The following SV2C variants were observed in gnomAD, a reference collection of about 807,000 sequenced individuals.
SV2C encodes the protein synaptic vesicle glycoprotein 2C, also known as solute carrier family 22 member B3.
A neutral mutation model predicts 79.7 loss-of-function variants in SV2C; 49 were observed. The ratio of observed to expected loss-of-function variants is 0.61; its 90% CI spans 0.49 to 0.78. The LOEUF (loss-of-function observed/expected upper bound fraction) is 0.78. Ranked by LOEUF, SV2C falls within the 30% of genes least tolerant of loss-of-function variation. The probability of loss-of-function intolerance (pLI) is 0.00; values close to 1 mark genes in which losing one functional copy is unlikely to be tolerated. For synonymous variants in SV2C, 334 were observed against 333.2 expected (o/e 1.00, Z -0.03); for missense variants, 833 against 912.9 (o/e 0.91, Z 1.13).
chr5:76,245,506 C>A (rs989006660), intron 4 of SV2C, among the ~76,000 whole-genome samples: 2 of 152,174 alleles, frequency 1.3e-5, no homozygotes, highest in Non-Finnish European at 2.9e-5. Context: ...CTACAAGAGA[C>A]AATCAGATCA....
Position 76,328,740 on chromosome 5 carries a change from C to T in SV2C, c.*3193C>T, listed in dbSNP as rs1391895753. The T allele has an allele frequency of 6.6e-6, 1 of 152,062 alleles. No individual in the cohort carries two copies. Among genetic ancestry groups the T allele is most frequent in the African/African-American group, 2.4e-5 (1 of 41,382 alleles). The allele number at this position is 152,062 out of a possible 1,614,324, so 9.4% of individuals were successfully genotyped here. A position where few individuals can be genotyped will look rare whatever the true frequency, so the allele number is the denominator to read the frequency against. On this transcript the variant is annotated 3_prime_UTR_variant, in exon 13 of 13. Coordinates refer to ENST00000502798, the MANE Select transcript of SV2C (RefSeq NM_014979.4). ...TAGAAGACAGTAATGAAAATAGCTT[C>T]ATCTTATCTGCCTTCTTATGCTAAA...
chr5:75,855,527 A>AT, the SV2C span, among the ~76,000 whole-genome samples: 1 of 151,992 alleles, frequency 6.6e-6, no homozygotes, highest in Non-Finnish European at 1.5e-5. Flanking sequence ...CATTGACAGC[A>AT]TTTTTTCCAA....
chr5:75,875,067 A>C, the SV2C span, among the ~76,000 whole-genome samples: 1 of 152,106 alleles, frequency 6.6e-6, no homozygotes, highest in South Asian at 2.1e-4. Context: ...CAACAGCAAC[A>C]ACAACAACAC....
the SV2C span, among the ~76,000 whole-genome samples, chr5:75,947,255 C>T: frequency 6.6e-6 from 1 of 151,962 alleles, no homozygotes; most frequent in Non-Finnish European, 1.5e-5. Context: ...TCCCCAATTC[C>T]CTGTGGAAGT....
chr5:76,338,659 C>CT (rs60550344), downstream of SV2C, among the ~76,000 whole-genome samples: 215 of 119,528 alleles, frequency 1.8e-3, no homozygotes, highest in Middle Eastern at 0.032. Flanking sequence ...TTTTCTTTTT[C>CT]TTTTTTTTTT....
chr5:76,078,541 A>G (rs148711286), upstream of SV2C: 789 of 291,652 alleles, frequency 2.7e-3, 12 homozygotes, highest in South Asian at 0.023. Context: ...CAAGACGAAC[A>G]TTGGTAGACT....
chr5:76,140,786 T>G (rs1215287823), intron 2 of SV2C, among the ~76,000 whole-genome samples: 1 of 152,180 alleles, frequency 6.6e-6, no homozygotes, highest in African/African-American at 2.4e-5. Flanking sequence ...ACTGCAGACT[T>G]TAGGATCAGC....
At chr5:76,079,648 C>G (rs376797708), upstream of SV2C, 253 of 346,220 alleles carry the variant, frequency 7.3e-4, 5 homozygotes, top group South Asian at 7.9e-3. Flanking sequence ...CCCTGCCACT[C>G]TATGAAGAAC....
intron 4 of SV2C, among the ~76,000 whole-genome samples, chr5:76,236,896 T>C (rs1827398): frequency 0.12 from 17,794 of 152,096 alleles, 3,013 homozygotes; most frequent in African/African-American, 0.38. Flanking sequence ...AATTGCATCC[T>C]GGGGGTAGTT....
In SV2C at chr5:76,141,823, C is replaced by CAA. The variant is rs11313342; in HGVS notation, c.580+9514_580+9515dup. On this transcript the variant is annotated intron_variant, in intron 2 of 12. Transcript: ENST00000502798. ...TGGGTGACAGAGCAAAAGTCCATCTCAAAAAAAAAAAAAAAAAAAAAAGTA... is the reference window on the plus strand; with the variant it reads ...TGGGTGACAGAGCAAAAGTCCATCTCAAAAAAAAAAAAAAAAAAAAAAAAGTA... Among the ~76,000 whole-genome samples, 371 of 72,092 alleles carry CAA rather than the reference C, an allele frequency of 5.1e-3. 3 individuals carry two copies. Among genetic ancestry groups the CAA allele is most frequent in the Middle Eastern group, 0.01 (1 of 98 alleles). The allele number at this position is 72,092 out of a possible 152,430, so 47.3% of individuals were successfully genotyped here.
At chr5:76,133,608 A>AT (rs1335315897) in intron 2 of SV2C, among the ~76,000 whole-genome samples, 2 of 152,194 alleles carry the variant, frequency 1.3e-5, no homozygotes, top group Admixed American at 1.3e-4. Context: ...ATGAAAGTAG[A>AT]TTGTGTAGGT....
In SV2C at chr5:76,326,421, T is replaced by C. The variant is rs2112567840; in HGVS notation, c.*874T>C. The C allele has an allele frequency of 6.6e-6, 1 of 152,360 alleles. No homozygotes were observed. Among genetic ancestry groups the C allele is most frequent in the East Asian group, 1.9e-4 (1 of 5,186 alleles). 9.4% of individuals were successfully genotyped at this position (152,360 alleles called of 1,614,324 possible). On this transcript the variant is annotated 3_prime_UTR_variant, in exon 13 of 13. Transcript: ENST00000502798. Reference sequence around the variant, plus strand: ...CTTAAAAACTGTCTGCCTACCTGATTCTGCCACTTACCCACACTGTCTCTA... The same window carrying C: ...CTTAAAAACTGTCTGCCTACCTGATCCTGCCACTTACCCACACTGTCTCTA...
chr5:75,988,961 A>C, the SV2C span, among the ~76,000 whole-genome samples: 916 of 151,996 alleles, frequency 6.0e-3, 6 homozygotes, highest in African/African-American at 0.02. Flanking sequence ...ACCTTCCCAT[A>C]GTTTCCTGCC....
intron 4 of SV2C, among the ~76,000 whole-genome samples, chr5:76,223,587 C>T (rs369620282): frequency 1.9e-4 from 28 of 149,874 alleles, no homozygotes; most frequent in Middle Eastern, 6.9e-3. Flanking sequence ...TGATTTGATA[C>T]TTGTGTTTCC....
rs1013892841 is a variant in SV2C at position 76,284,872 on chromosome 5, A to T, written c.914-290A>T. On this transcript the variant is annotated intron_variant, in intron 4 of 12. Coordinates refer to ENST00000502798, the MANE Select transcript of SV2C (RefSeq NM_014979.4). The stretch of plus-strand genomic sequence containing the variant: ...CAAAAGATAACTAGCACAGTGGTCT[A>T]TTGGAAAAAGCATCCCAAATTTATG... Among the ~76,000 whole-genome samples, 3 of 152,228 alleles carry T rather than the reference A, an allele frequency of 2.0e-5. No individual in the cohort carries two copies. The East Asian group carries it at 5.8e-4, about 29-fold the overall frequency.
At chr5:76,251,565 A>G (rs1197997848) in intron 4 of SV2C, among the ~76,000 whole-genome samples, 6 of 152,008 alleles carry the variant, frequency 3.9e-5, no homozygotes, top group Admixed American at 3.9e-4. Context: ...AACAAACAAA[A>G]TATTAAACAC....
intron 1 of SV2C, among the ~76,000 whole-genome samples, chr5:76,111,664 C>A (rs1311768688): frequency 1.3e-5 from 2 of 152,160 alleles, no homozygotes; most frequent in African/African-American, 4.8e-5. Flanking sequence ...TAATTTGCCC[C>A]CCCAGGATTA....
chr5:75,884,060 G>A, the SV2C span, among the ~76,000 whole-genome samples: 3 of 152,128 alleles, frequency 2.0e-5, no homozygotes, highest in Non-Finnish European at 2.9e-5. Flanking sequence ...ATCAGCAAAA[G>A]TGATTTTGGA....
chr5:76,244,363 T>C (rs967992581), intron 4 of SV2C, among the ~76,000 whole-genome samples: 5 of 152,244 alleles, frequency 3.3e-5, no homozygotes, highest in Non-Finnish European at 5.9e-5. Context: ...AAGACCAAGT[T>C]CCTGCCTTCA....
Sources: gnomAD v4.1 joint callset for allele counts (sites outside exome capture counted in the v4.1 genomes callset) on GRCh38, gnomAD v4.1.1 for gene constraint, MANE v1.5 for transcripts, NCBI Gene and HGNC (gene_info 2026-07-23, HGNC 2026-07-21) for gene names.